WWC2: variants seen among roughly 807,000 people sequenced by gnomAD.
WWC2 encodes protein WWC2.
In WWC2, 101 loss-of-function variants were observed where a neutral mutation model predicts 138.5. The ratio of observed to expected loss-of-function variants is 0.73; its 90% confidence interval spans 0.62 to 0.86. WWC2 has a LOEUF of 0.86. Ranked by LOEUF, WWC2 falls within the 40% of genes least tolerant of loss-of-function variation. The pLI, the probability that WWC2 is intolerant of heterozygous loss-of-function variation, is 0.00. For synonymous variants in WWC2, 558 were observed against 538.4 expected, an observed-to-expected ratio of 1.04 and a Z score of -0.50; for missense variants, 1,420 against 1,419.4, an observed-to-expected ratio of 1.00 and a Z score of -0.01.
chr4:183,197,610 G>T (rs1735180162), intron 2 of WWC2, among the ~76,000 whole-genome samples: 1 of 152,164 alleles, frequency 6.6e-6, no homozygotes, highest in Admixed American at 6.5e-5. Flanking sequence ...TGGGGGTGTA[G>T]ATATCAGTGA....
chr4:183,249,424 T>C (rs1736904085), intron 7 of WWC2, among the ~76,000 whole-genome samples: 1 of 152,214 alleles, frequency 6.6e-6, no homozygotes, highest in Admixed American at 6.6e-5. Flanking sequence ...TATTCTTTTA[T>C]GCTGCTTTGA....
Position 183,315,377 on chromosome 4 carries a change from C to T in WWC2, c.3513-286C>T, listed in dbSNP as rs79297602. Reference sequence around the variant, plus strand: ...GGAAACACCCATCCTAGACCAAACCCCTACTAGTTTAAAAACTGTCTTCTG... The same window carrying T: ...GGAAACACCCATCCTAGACCAAACCTCTACTAGTTTAAAAACTGTCTTCTG... On this transcript the variant is annotated intron_variant, in intron 22 of 22. Transcript: ENST00000403733. Among the ~76,000 whole-genome samples, 377 of 152,292 alleles carry T rather than the reference C, an allele frequency of 2.5e-3. 4 individuals carry two copies. Among genetic ancestry groups the T allele is most frequent in the African/African-American group, 8.4e-3 (351 of 41,572 alleles).
intron 1 of WWC2, among the ~76,000 whole-genome samples, chr4:183,142,276 A>T (rs1016359269): frequency 6.6e-6 from 1 of 152,226 alleles, no homozygotes; most frequent in African/African-American, 2.4e-5. Context: ...GCTGTTATTA[A>T]TGTGAATAAG....
At chr4:183,177,307 A>G (rs1734495517) in intron 1 of WWC2, among the ~76,000 whole-genome samples, 1 of 152,214 alleles carries the variant, frequency 6.6e-6, no homozygotes. Flanking sequence ...TAATTATGTA[A>G]AAATCTCAAG....
chr4:183,191,310 T>G (rs1189159453), intron 1 of WWC2, among the ~76,000 whole-genome samples: 1 of 152,162 alleles, frequency 6.6e-6, no homozygotes, highest in African/African-American at 2.4e-5. Flanking sequence ...TCAAATACAC[T>G]CCATGTTTAC....
chr4:183,117,956 ATG>A (rs1732471225), intron 1 of WWC2, among the ~76,000 whole-genome samples: 1 of 146,278 alleles, frequency 6.8e-6, no homozygotes, highest in Non-Finnish European at 1.5e-5. Context: ...TCGTGCCACC[ATG>A]CTCGGCTAAT....
At position 183,319,222 on chromosome 4, in the gene WWC2, T is replaced by G; in HGVS notation, c.*3493T>G. 1 of 197,462 alleles carries G rather than the reference T, an allele frequency of 5.1e-6. No homozygotes were observed. The highest frequency in any genetic ancestry group is 1.0e-5 in the Non-Finnish European group (1 of 96,076). The allele number at this position is 197,462 out of a possible 1,614,324, so 12.2% of individuals were successfully genotyped here. A position where few individuals can be genotyped will look rare whatever the true frequency, so the allele number is the denominator to read the frequency against. On this transcript the variant is annotated 3_prime_UTR_variant, in exon 23 of 23. Transcript: ENST00000403733. ...TAAACACCTGAAATAAGTAAATGATTTGCCAAATGATTCCGCTCCATATGA... is the reference window on the plus strand; with the variant it reads ...TAAACACCTGAAATAAGTAAATGATGTGCCAAATGATTCCGCTCCATATGA...
intron 1 of WWC2, among the ~76,000 whole-genome samples, chr4:183,162,573 A>G (rs1733993821): frequency 6.6e-6 from 1 of 151,988 alleles, no homozygotes; most frequent in Non-Finnish European, 1.5e-5. Context: ...ACTCTTTGGC[A>G]CCTTGTCCTC....
At chr4:183,113,204 G>A (rs1486721016) in intron 1 of WWC2, among the ~76,000 whole-genome samples, 1 of 151,946 alleles carries the variant, frequency 6.6e-6, no homozygotes, top group South Asian at 2.1e-4. Context: ...CCTGGAAGGC[G>A]GAGGTTGCAG....
intron 1 of WWC2, among the ~76,000 whole-genome samples, chr4:183,134,455 G>C (rs949565905): frequency 6.6e-6 from 1 of 151,864 alleles, no homozygotes; most frequent in Non-Finnish European, 1.5e-5. Context: ...TATATGTGGA[G>C]TTTTATTATT....
intron 16 of WWC2, among the ~76,000 whole-genome samples, chr4:183,278,204 A>T (rs2111396045): frequency 6.6e-6 from 1 of 152,000 alleles, no homozygotes; most frequent in South Asian, 2.1e-4. Context: ...ATGGCTAGCC[A>T]GTTTTCCCAG....
At chr4:183,263,015 A>G (rs996953568) in intron 11 of WWC2, among the ~76,000 whole-genome samples, 20 of 152,340 alleles carry the variant, frequency 1.3e-4, no homozygotes, top group African/African-American at 4.8e-4. Flanking sequence ...CACTCAGCAC[A>G]CAGTTCATGG....
At chr4:183,273,292 A>G (rs1004128580) in intron 16 of WWC2, among the ~76,000 whole-genome samples, 4 of 151,008 alleles carry the variant, frequency 2.6e-5, no homozygotes, top group African/African-American at 9.7e-5. Context: ...TTATTTATTT[A>G]TTTTTAATTT....
intron 1 of WWC2, among the ~76,000 whole-genome samples, chr4:183,186,596 A>C (rs1734808761): frequency 6.6e-6 from 1 of 151,974 alleles, no homozygotes. Context: ...ATATGAGAAG[A>C]GATAAATATC....
At position 183,285,781 on chromosome 4, in the gene WWC2, G is replaced by A. The variant is rs909248699; in HGVS notation, c.3049-186G>A. ...TCTCAAAAAAAAAATACATAAATAA[G>A]TAATTTAGGAAAATGAAGTTATTTA... On this transcript the variant is annotated intron_variant, in intron 19 of 22. Transcript: ENST00000403733. Among the ~76,000 whole-genome samples the A allele has an allele frequency of 4.1e-4, 63 of 151,958 alleles. 1 individual carries two copies. The highest frequency in any genetic ancestry group is 1.1e-3 in the Admixed American group (17 of 15,248).
chr4:183,148,644 T>A (rs1474490319), intron 1 of WWC2, among the ~76,000 whole-genome samples: 1 of 152,220 alleles, frequency 6.6e-6, no homozygotes, highest in East Asian at 1.9e-4. Context: ...TCTTTCTAGA[T>A]ATCTTTGTTG....
chr4:183,295,473 TTAGCG>T (rs1738602003), intron 21 of WWC2, among the ~76,000 whole-genome samples: 1 of 152,230 alleles, frequency 6.6e-6, no homozygotes, highest in African/African-American at 2.4e-5. Flanking sequence ...GTCTGTGGCC[TTAGCG>T]TAGCTTGGCC....
chr4:183,131,157 T>A (rs978238111), intron 1 of WWC2, among the ~76,000 whole-genome samples: 2 of 152,158 alleles, frequency 1.3e-5, no homozygotes, highest in Non-Finnish European at 2.9e-5. Flanking sequence ...GTATTGGCCA[T>A]CTATATGCAG....
At chr4:183,258,638 C>G (rs1444222758) in intron 9 of WWC2, among the ~76,000 whole-genome samples, 3 of 152,184 alleles carry the variant, frequency 2.0e-5, no homozygotes, top group Non-Finnish European at 4.4e-5. Flanking sequence ...ATACATTACT[C>G]CATTGATCCC....
Sources: gnomAD v4.1 joint callset for allele counts (sites outside exome capture counted in the v4.1 genomes callset) on GRCh38, gnomAD v4.1.1 for gene constraint, MANE v1.5 for transcripts, NCBI Gene and HGNC (gene_info 2026-07-23, HGNC 2026-07-21) for gene names.